INSRR: variants seen among roughly 807,000 people sequenced by gnomAD.
INSRR encodes the protein insulin receptor related receptor, also known as insulin receptor-related protein.
Under a neutral mutation model 130.0 loss-of-function variants are expected in INSRR, and 114 were observed. The ratio of observed to expected loss-of-function variants is 0.88; its 90% CI spans 0.75 to 1.02. The LOEUF (loss-of-function observed/expected upper bound fraction) is 1.02, where lower values mean the gene tolerates loss of function less well. Ranked by LOEUF, INSRR falls within the 50% of genes least tolerant of loss-of-function variation. The pLI, the probability that INSRR is intolerant of heterozygous loss-of-function variation, is 0.00. For synonymous variants in INSRR, 674 were observed against 705.2 expected (o/e 0.96, Z 0.70); for missense variants, 1,657 against 1,735.2 (o/e 0.95, Z 0.80).
rs558447006 is a variant in INSRR, at chr1:156,854,919, G to A, written c.86-616C>T. Among the ~76,000 whole-genome samples, 2 of 152,158 alleles carry A rather than the reference G, an allele frequency of 1.3e-5. No homozygotes were observed. Among genetic ancestry groups the A allele is most frequent in the African/African-American group, 4.8e-5 (2 of 41,496 alleles). ...CTCTTGATCTTACTACAGCCTACAGGGCCCTGCACAGTTTGAGCCCTTGTA... is the reference window on the plus strand; with the variant it reads ...CTCTTGATCTTACTACAGCCTACAGAGCCCTGCACAGTTTGAGCCCTTGTA... On this transcript the variant is annotated intron_variant, in intron 1 of 21. Transcript: ENST00000368195. This position sits in a 1 kb window ranked among gnomAD's most constrained non-coding sequence, Gnocchi z 4.2.
Position 156,845,130 on chromosome 1 carries a change from G to T in INSRR, c.2383C>A (p.His795Asn). 1 of 1,611,698 alleles carries T rather than the reference G, an allele frequency of 6.2e-7. No homozygotes were observed. Among genetic ancestry groups the T allele is most frequent in the East Asian group, 2.2e-5 (1 of 44,802 alleles). ...GTGGCGGCGCTGCAGCCCACGGTGTGCGCCGCGTGGTTGCAGGCATGGATG... is the reference window on the plus strand; with the variant it reads ...GTGGCGGCGCTGCAGCCCACGGTGTTCGCCGCGTGGTTGCAGGCATGGATG... ...IDIHACNHAA[H>N]TVGCSAATFV... is the part of the protein sequence containing the mutation. The change falls in exon 12 of 22, where the codon CAC becomes AAC. Residue 795 changes from histidine (H) to asparagine (N), a missense_variant. By Grantham distance (68) the His-to-Asn change is moderately conservative. Transcript: ENST00000368195.
rs1655022966 is a variant in INSRR at position 156,846,649 on chromosome 1, C to A, written c.1680G>T (p.Val560=). ...TCCAAGGCTTGAGGGAGGCTAGGGTCACCCCTGGCTCCTGGGTGCGGCTTA... is the reference window on the plus strand; with the variant it reads ...TCCAAGGCTTGAGGGAGGCTAGGGTAACCCCTGGCTCCTGGGTGCGGCTTA... The part of the protein sequence containing the change: ...LPLSRTQEPG[V]TLASLKPWTQ... The change falls in exon 8 of 22, where the codon GTG becomes GTT. Residue 560 remains valine, a synonymous_variant. Transcript: ENST00000368195. 1 of 1,614,162 alleles carries A rather than the reference C, an allele frequency of 6.2e-7. No individual in the cohort carries two copies. The highest frequency in any genetic ancestry group is 8.5e-7 in the Non-Finnish European group (1 of 1,180,018).
At position 156,851,963 on chromosome 1, in the gene INSRR, C is replaced by A; in HGVS notation, c.866G>T (p.Arg289Leu). 1 of 1,607,552 alleles carries A rather than the reference C, an allele frequency of 6.2e-7. No homozygotes were observed. The highest frequency in any genetic ancestry group is 8.5e-7 in the Non-Finnish European group (1 of 1,174,924). The change falls in exon 3 of 22, where the codon CGT becomes CTT. Residue 289 changes from arginine to leucine, a missense_variant. Physicochemically the swap from Arg to Leu is moderately radical, Grantham distance 102 (BLOSUM62 -2). Coordinates refer to ENST00000368195, the MANE Select transcript of INSRR (RefSeq NM_014215.3). Reference sequence around the variant, plus strand: ...CTGGTGTATGCCGAAGGTGGAGGCACGGCCGGGCACAGAGTGCAGGCTGGC... The same window carrying A: ...CTGGTGTATGCCGAAGGTGGAGGCAAGGCCGGGCACAGAGTGCAGGCTGGC... ...RCASLHSVPGRASTFGIHQGS... is the reference protein window; with the variant it reads ...RCASLHSVPGLASTFGIHQGS...
intron 5 of INSRR, 53 bp from the exon 6 acceptor site, chr1:156,849,513 G>GGGGGGGGGGGGGGGGGT: frequency 2.1e-6 from 1 of 486,120 alleles, no homozygotes; most frequent in Non-Finnish European, 4.1e-6. Context: ...CAGGGGGTGG[G>GGGGGGGGGGGGGGGGGT]AAAGGGGATG....
chr1:156,850,912 G>A lies in INSRR; in HGVS notation c.1229+378C>T, dbSNP rs1003899070. On this transcript the variant is annotated intron_variant, in intron 5 of 21. Transcript: ENST00000368195. ...CATTATAGGTAGGCCTTGACTGGCA[G>A]ATGATAGGAATGGGTTTCAAACCCA... 6.6e-5 allele frequency among the ~76,000 whole-genome samples: 10 copies of A among 152,312 alleles called. No individual in the cohort carries two copies. In the East Asian group the frequency reaches 1.9e-3, roughly 29 times the overall value.
At chr1:156,855,176 T>TTATCTATC (rs142014665) in intron 1 of INSRR, among the ~76,000 whole-genome samples, 6,994 of 143,512 alleles carry the variant, frequency 0.049, 214 homozygotes, top group Middle Eastern at 0.14. Context: ...CCATCCAATT[T>TTATCTATC]TATCTATCTA....
chr1:156,852,946 G>T (rs1297146067), intron 2 of INSRR, among the ~76,000 whole-genome samples: 1 of 152,072 alleles, frequency 6.6e-6, no homozygotes, highest in Non-Finnish European at 1.5e-5. Flanking sequence ...ACCTCCAGGA[G>T]CTGAGTGGAA....
chr1:156,843,150 A>C lies in INSRR; in HGVS notation c.2980T>G (p.Tyr994Asp). The change falls in exon 17 of 22, where the codon TAT becomes GAT. Residue 994 changes from tyrosine (Y) to aspartate (D), a missense_variant. Physicochemically the swap from Tyr to Asp is radical, Grantham distance 160 (BLOSUM62 -3). Coordinates refer to ENST00000368195, the MANE Select transcript of INSRR (RefSeq NM_014215.3). Reference protein sequence around the residue: ...ELGQGSFGMVYEGLARGLEAG... With the variant: ...ELGQGSFGMVDEGLARGLEAG... ...TCAAGTCCTCGTGCCAGCCCCTCAT[A>C]TACCATCCCAAAAGAGCCCTGGCCC... 6.2e-7 allele frequency: 1 copy of C among 1,614,056 alleles called. No individual in the cohort carries two copies. The highest frequency in any genetic ancestry group is 8.5e-7 in the Non-Finnish European group (1 of 1,180,030).
intron 21 of INSRR, 26 bp from the exon 22 acceptor site, chr1:156,841,130 G>C: frequency 6.6e-7 from 1 of 1,522,202 alleles, no homozygotes. Context: ...AGCAGGGTCA[G>C]AGGCATCCGG....
rs1450631139 is a variant in INSRR at position 156,843,131 on chromosome 1, C to G, written c.2999G>C (p.Gly1000Ala). ...TGTGGACTCCTCTCCAGCCTCAAGT[C>G]CTCGTGCCAGCCCCTCATATACCAT... ...FGMVYEGLAR[G>A]LEAGEESTPV... The change falls in exon 17 of 22, where the codon GGA becomes GCA. Residue 1000 changes from glycine to alanine, a missense_variant. Physicochemically the swap from Gly to Ala is moderately conservative, Grantham distance 60 (BLOSUM62 0). Coordinates refer to ENST00000368195, the MANE Select transcript of INSRR (RefSeq NM_014215.3). 4.3e-6 allele frequency: 7 copies of G among 1,614,158 alleles called. No individual in the cohort carries two copies. Among genetic ancestry groups the G allele is most frequent in the Non-Finnish European group, 5.9e-6 (7 of 1,180,042 alleles).
chr1:156,856,360 T>C (rs1409718944), intron 1 of INSRR, among the ~76,000 whole-genome samples: 3 of 152,198 alleles, frequency 2.0e-5, no homozygotes, highest in Non-Finnish European at 4.4e-5. Flanking sequence ...AGGTCCCATG[T>C]CTCTCCCAGT....
Position 156,848,940 on chromosome 1 carries a change from TGAA to T in INSRR, c.1549_1551del (p.Phe517del), listed in dbSNP as rs1230706131. 6.3e-7 allele frequency: 1 copy of T among 1,586,262 alleles called. No homozygotes were observed. The highest frequency in any genetic ancestry group is 1.3e-5 in the African/African-American group (1 of 74,504). On this transcript the variant is annotated inframe_deletion, in exon 7 of 22. Transcript: ENST00000368195. ...ACTCACGACTCCTTGTAGTACACGA[TGAA>T]GCTGAGCAGGTCGCGGGCCTCCAGT...
rs998140291 is a variant in INSRR at position 156,845,640 on chromosome 1, T to G, written c.2153A>C (p.His718Pro). 13 of 1,609,418 alleles carry G rather than the reference T, an allele frequency of 8.1e-6. No individual in the cohort carries two copies. The African/African-American group carries it at 1.6e-4, about 20-fold the overall frequency. The change falls in exon 10 of 22, where the codon CAC (histidine) becomes CCC (proline). Residue 718 changes from histidine (H) to proline (P), a missense_variant. Coordinates refer to ENST00000368195, the MANE Select transcript of INSRR (RefSeq NM_014215.3). Reference protein sequence around the residue: ...SFQKKFENFLHNAITIPISPW... With the variant: ...SFQKKFENFLPNAITIPISPW... ...GCACATGGGGATGGTGATCGCGTTG[T>G]GTAGAAAGTTTTCAAACTTCTTCTG...
rs1186778099 is a variant in INSRR, at chr1:156,845,287, C to T, written c.2226G>A (p.Gly742=). The T allele has an allele frequency of 6.2e-7, 1 of 1,612,840 alleles. No individual in the cohort carries two copies. The highest frequency in any genetic ancestry group is 1.7e-5 in the Admixed American group (1 of 59,922). ...GGGGCCCAGCTGCCCGGCGGTGCCGCCCTGAGTCCCTGGGGAGAGCGAGTC... is the reference window on the plus strand; with the variant it reads ...GGGGCCCAGCTGCCCGGCGGTGCCGTCCTGAGTCCCTGGGGAGAGCGAGTC... ...SINKSPQRDS[G]RHRRAAGPLR... Residue 742 remains glycine, a synonymous_variant, in exon 12 of 22, where the codon GGG becomes GGA. Coordinates refer to ENST00000368195, the MANE Select transcript of INSRR (RefSeq NM_014215.3).
intron 7 of INSRR, among the ~76,000 whole-genome samples, chr1:156,848,493 C>T (rs956044139): frequency 6.6e-6 from 1 of 152,158 alleles, no homozygotes; most frequent in African/African-American, 2.4e-5. Flanking sequence ...AGCTGTGGTC[C>T]CTGGCGGCCC....
rs1032968973 is a variant in INSRR, at chr1:156,842,164, A to G, written c.3345T>C (p.Asp1115=). Reference sequence around the variant, plus strand: ...ACACCATGCAGTTGCGGGCTGCTAGATCTCGGTGCACAAACTTGTTGGCAG... The same window carrying G: ...ACACCATGCAGTTGCGGGCTGCTAGGTCTCGGTGCACAAACTTGTTGGCAG... ...YLAANKFVHR[D]LAARNCMVSQ... is the part of the protein sequence containing the mutation. Residue 1115 remains aspartate (D), a synonymous_variant, in exon 19 of 22, where the codon GAT becomes GAC. Coordinates refer to ENST00000368195, the MANE Select transcript of INSRR (RefSeq NM_014215.3). The G allele has an allele frequency of 3.1e-6, 5 of 1,613,674 alleles. No individual in the cohort carries two copies. In the African/African-American group the frequency reaches 6.7e-5, roughly 22 times the overall value.
At chr1:156,845,546 ACCCCT>A in intron 10 of INSRR, 68 bp downstream of exon 10, 1 of 392,138 alleles carries the variant, frequency 2.6e-6, no homozygotes, top group Non-Finnish European at 3.7e-6. Flanking sequence ...CACAAACCCC[ACCCCT>A]CCCGCAAGAC....
At chr1:156,851,241 T>C (rs1446358418) in intron 5 of INSRR, 49 bp downstream of exon 5, 5 of 1,608,778 alleles carry the variant, frequency 3.1e-6, no homozygotes, top group Non-Finnish European at 4.3e-6. Flanking sequence ...CTGGGAGTGT[T>C]GGAGGAAGGA....
rs1462298803 is a variant in INSRR, at chr1:156,853,800, T to C, written c.589A>G (p.Ser197Gly). 6.2e-6 allele frequency: 10 copies of C among 1,611,418 alleles called. No individual in the cohort carries two copies. The South Asian group carries it at 7.7e-5, about 12-fold the overall frequency. ...CAGCATCTGTAGTCAGTGTGCCCGC[T>C]GAAGGTGGTCTTGGCACAGGGCTCA... ...AGEPCAKTTF[S>G]GHTDYRCWTS... Residue 197 changes from serine (S) to glycine (G), a missense_variant, in exon 2 of 22, where the codon AGC becomes GGC. Physicochemically the swap from Ser to Gly is moderately conservative, Grantham distance 56 (BLOSUM62 0). Transcript: ENST00000368195.
Sources: gnomAD v4.1 joint callset for allele counts (sites outside exome capture counted in the v4.1 genomes callset) on GRCh38, gnomAD v4.1.1 for gene constraint, Gnocchi (gnomAD v3.1) non-coding constraint, MANE v1.5 for transcripts, NCBI Gene and HGNC (gene_info 2026-07-23, HGNC 2026-07-21) for gene names.